The following CPA6 variants were observed in gnomAD, a reference collection of about 807,000 sequenced individuals.
The protein encoded by CPA6 is carboxypeptidase B.
In CPA6, 58 loss-of-function variants were observed where a neutral mutation model predicts 63.3. The ratio of observed to expected loss-of-function variants is 0.92; its 90% CI spans 0.74 to 1.14. The LOEUF (loss-of-function observed/expected upper bound fraction) is 1.14, where lower values mean the gene tolerates loss of function less well. Ranked by LOEUF, CPA6 falls within the 50% of genes most tolerant of loss-of-function variation. CPA6 has a pLI of 0.00. For missense variants in CPA6, 565 were observed against 526.6 expected, an observed-to-expected ratio of 1.07 and a Z score of -0.71; for synonymous variants, 185 against 179.0, an observed-to-expected ratio of 1.03 and a Z score of -0.27.
intron 2 of CPA6, among the ~76,000 whole-genome samples, chr8:67,616,359 A>T (rs185573637): frequency 1.2e-4 from 18 of 152,180 alleles, no homozygotes; most frequent in Non-Finnish European, 2.2e-4. Context: ...ACCATGTGTG[A>T]GGGCTGCAGA....
intron 2 of CPA6, among the ~76,000 whole-genome samples, chr8:67,521,678 C>T (rs11984622): frequency 0.11 from 16,445 of 152,184 alleles, 2,386 homozygotes; most frequent in African/African-American, 0.33. Context: ...ATTGTGTCCC[C>T]ATTCAGAGAG....
At chr8:67,555,465 A>C (rs1813039220) in intron 2 of CPA6, among the ~76,000 whole-genome samples, 1 of 152,158 alleles carries the variant, frequency 6.6e-6, no homozygotes, top group East Asian at 1.9e-4. Context: ...GAGGACGGGG[A>C]AGCCCCCTCA....
chr8:67,690,356 T>C lies in CPA6; in HGVS notation c.116+55658A>G, dbSNP rs140217293. Among the ~76,000 whole-genome samples the C allele has an allele frequency of 6.0e-3, 914 of 152,336 alleles. 2 individuals carry two copies. The highest frequency in any genetic ancestry group is 0.01 in the Non-Finnish European group (692 of 68,026). On this transcript the variant is annotated intron_variant, in intron 1 of 10. Transcript: ENST00000297770. The stretch of plus-strand genomic sequence containing the variant: ...AAATAAATAATTTAGAGTTAATGAA[T>C]ATTAATTACTATTACAAATTAGAAG...
chr8:67,703,423 C>T (rs1181703524), intron 1 of CPA6, among the ~76,000 whole-genome samples: 2 of 152,158 alleles, frequency 1.3e-5, no homozygotes, highest in Non-Finnish European at 2.9e-5. Context: ...GTTTCCTCTG[C>T]TTTTTCAACT....
At position 67,514,011 on chromosome 8, in the gene CPA6, T is replaced by C. The variant is rs543461734; in HGVS notation, c.318-2356A>G. Among the ~76,000 whole-genome samples, 8 of 150,854 alleles carry C rather than the reference T, an allele frequency of 5.3e-5. No individual in the cohort carries two copies. The South Asian group carries it at 1.5e-3, about 28-fold the overall frequency. ...TCTTGCTCTGTCACCCAGGCTGGAG[T>C]GCAGTGGCGTGAACTCGGCTCACTG... On this transcript the variant is annotated intron_variant, in intron 3 of 10. Coordinates refer to ENST00000297770, the MANE Select transcript of CPA6 (RefSeq NM_020361.5).
At position 67,673,385 on chromosome 8, in the gene CPA6, T is replaced by TTA. The variant is rs1251575325; in HGVS notation, c.117-49135_117-49134insTA. Among the ~76,000 whole-genome samples the TTA allele has an allele frequency of 5.9e-3, 787 of 133,070 alleles. 5 individuals carry two copies. The highest frequency in any genetic ancestry group is 0.025 in the African/African-American group (747 of 29,814). The allele number at this position is 133,070 out of a possible 152,430, so 87.3% of individuals were successfully genotyped here. ...TTATTATTATTATTATTATTATTTA[T>TTA]TTATTTTTTTTTTTTTGAGACTGAA... is the stretch of plus-strand genomic sequence containing the variant. On this transcript the variant is annotated intron_variant, in intron 1 of 10. Transcript: ENST00000297770.
intron 1 of CPA6, among the ~76,000 whole-genome samples, chr8:67,704,569 G>C (rs1019062498): frequency 6.6e-6 from 1 of 152,192 alleles, no homozygotes; most frequent in East Asian, 1.9e-4. Flanking sequence ...CATTAGAACA[G>C]AGATGAAGGC....
intron 1 of CPA6, among the ~76,000 whole-genome samples, chr8:67,677,969 A>AGCT (rs763879280): frequency 2.6e-4 from 39 of 152,196 alleles, no homozygotes; most frequent in African/African-American, 8.7e-4. Flanking sequence ...AACCCTGATG[A>AGCT]GCTCATGCTT....
chr8:67,743,961 G>A (rs1442140081), intron 1 of CPA6, among the ~76,000 whole-genome samples: 3 of 152,302 alleles, frequency 2.0e-5, no homozygotes, highest in East Asian at 1.9e-4. Flanking sequence ...AATAACTTTG[G>A]ATGGATGAAA....
intron 2 of CPA6, among the ~76,000 whole-genome samples, chr8:67,588,060 C>T (rs1178844482): frequency 6.6e-6 from 1 of 152,088 alleles, no homozygotes; most frequent in Non-Finnish European, 1.5e-5. Context: ...AAGCAGAAGC[C>T]TGTAACTACT....
At chr8:67,688,759 T>G (rs1211699589) in intron 1 of CPA6, among the ~76,000 whole-genome samples, 1 of 152,192 alleles carries the variant, frequency 6.6e-6, no homozygotes, top group Admixed American at 6.5e-5. Context: ...ATTTTAACAT[T>G]TCTTTATTTC....
At chr8:67,489,536 C>G (rs1316907462) in intron 6 of CPA6, among the ~76,000 whole-genome samples, 2 of 151,812 alleles carry the variant, frequency 1.3e-5, no homozygotes, top group Non-Finnish European at 2.9e-5. Context: ...ATTTCTGACA[C>G]TGTATTACAG....
chr8:67,505,665 A>G (rs1811912290), intron 6 of CPA6, among the ~76,000 whole-genome samples: 1 of 152,226 alleles, frequency 6.6e-6, no homozygotes, highest in African/African-American at 2.4e-5. Flanking sequence ...TACTCAATAA[A>G]CTGAGTAGGA....
intron 1 of CPA6, among the ~76,000 whole-genome samples, chr8:67,630,362 C>T (rs1458301075): frequency 6.6e-6 from 1 of 152,024 alleles, no homozygotes; most frequent in East Asian, 1.9e-4. Context: ...TGGGGGGAAA[C>T]TGAGTACCTA....
At chr8:67,457,539 C>G (rs1225905917) in intron 8 of CPA6, among the ~76,000 whole-genome samples, 4 of 152,142 alleles carry the variant, frequency 2.6e-5, no homozygotes, top group Non-Finnish European at 5.9e-5. Context: ...GTGCCTTCTT[C>G]TTTCCATCCT....
intron 8 of CPA6, among the ~76,000 whole-genome samples, chr8:67,438,086 T>G (rs1280148405): frequency 6.6e-6 from 1 of 152,144 alleles, no homozygotes; most frequent in Non-Finnish European, 1.5e-5. Context: ...CCTGGCTAGT[T>G]TTTGTATTTT....
chr8:67,554,941 C>T (rs886710356), intron 2 of CPA6, among the ~76,000 whole-genome samples: 1 of 152,188 alleles, frequency 6.6e-6, no homozygotes, highest in African/African-American at 2.4e-5. Context: ...ACAGTCACAC[C>T]TGGGGCAGTC....
At chr8:67,462,975 C>T (rs1443436067) in intron 8 of CPA6, among the ~76,000 whole-genome samples, 1 of 152,114 alleles carries the variant, frequency 6.6e-6, no homozygotes, top group African/African-American at 2.4e-5. Context: ...TAACTTAAAG[C>T]CTCATAGTGG....
At chr8:67,719,134 T>C (rs1433986720) in intron 1 of CPA6, among the ~76,000 whole-genome samples, 1 of 152,158 alleles carries the variant, frequency 6.6e-6, no homozygotes, top group Non-Finnish European at 1.5e-5. Context: ...GCATTTACTA[T>C]TTATGAAGCC....
Sources: allele counts gnomAD v4.1 joint callset (sites outside exome capture counted in the v4.1 genomes callset), GRCh38; gene constraint gnomAD v4.1.1; transcripts MANE v1.5; gene names NCBI Gene and HGNC (gene_info 2026-07-23, HGNC 2026-07-21).